The following ARHGEF37 variants were observed in gnomAD, a reference collection of about 807,000 sequenced individuals.
ARHGEF37 encodes the protein Rho guanine nucleotide exchange factor 37.
A neutral mutation model predicts 71.1 loss-of-function variants in ARHGEF37; 55 were observed. That is an observed-to-expected ratio of 0.77 (90% CI 0.62 to 0.97). The LOEUF is 0.97. ARHGEF37 is among the 50% of genes least tolerant of loss of function. The pLI, the probability that ARHGEF37 is intolerant of heterozygous loss-of-function variation, is 0.00. For missense variants in ARHGEF37, 765 were observed against 836.8 expected, an observed-to-expected ratio of 0.91 and a Z score of 1.06; for synonymous variants, 327 against 350.6, an observed-to-expected ratio of 0.93 and a Z score of 0.75.
At chr5:149,559,502 T>G (rs1049754127) in intron 1 of ARHGEF37, among the ~76,000 whole-genome samples, 1 of 152,228 alleles carries the variant, frequency 6.6e-6, no homozygotes, top group Non-Finnish European at 1.5e-5. Context: ...CAATCCTCGT[T>G]GAGTATTCTG....
chr5:149,624,150 C>A lies in ARHGEF37; in HGVS notation c.1464+10C>A. 4 of 1,603,330 alleles carry A rather than the reference C, an allele frequency of 2.5e-6. No homozygotes were observed. Among genetic ancestry groups the A allele is most frequent in the Non-Finnish European group, 2.6e-6 (3 of 1,171,608 alleles). On this transcript the variant is annotated intron_variant, in intron 10 of 12. Transcript: ENST00000333677. ...ACCTCCCACCACACAAGTAAGCATC[C>A]TTCCTCCACCCCAAAGACTGTCCAG... is the stretch of plus-strand genomic sequence containing the variant.
chr5:149,622,712 C>T (rs1015225414), intron 9 of ARHGEF37, among the ~76,000 whole-genome samples: 3 of 152,276 alleles, frequency 2.0e-5, no homozygotes, highest in Non-Finnish European at 2.9e-5. Flanking sequence ...AAGGAGCTAC[C>T]GGCTGAAAGC....
chr5:149,555,619 A>C (rs543799043), intron 1 of ARHGEF37, among the ~76,000 whole-genome samples: 18 of 152,150 alleles, frequency 1.2e-4, no homozygotes, highest in Non-Finnish European at 2.6e-4. Flanking sequence ...CCAGCCTGCA[A>C]TTTAGAGTAC....
rs766951372 is a variant in ARHGEF37 at position 149,627,231 on chromosome 5, C to T, written c.1620C>T (p.Asp540=). ...TCGTGGCCATCCTTCAAAACAAGGA[C>T]ACCAAAGGCAACAGCGGCCGCTGGC... ...GQIVAILQNK[D]TKGNSGRWLV... is the part of the protein sequence containing the mutation. Residue 540 remains aspartate, a synonymous_variant, in exon 11 of 13, where the codon GAC becomes GAT. Coordinates refer to ENST00000333677, the MANE Select transcript of ARHGEF37 (RefSeq NM_001001669.3). 1.3e-5 allele frequency: 21 copies of T among 1,613,872 alleles called. No homozygotes were observed. The highest frequency in any genetic ancestry group is 1.5e-5 in the Non-Finnish European group (18 of 1,180,032).
chr5:149,568,688 A>G (rs1301741427), intron 1 of ARHGEF37, among the ~76,000 whole-genome samples: 1 of 151,864 alleles, frequency 6.6e-6, no homozygotes, highest in Non-Finnish European at 1.5e-5. Flanking sequence ...GCATGTGCCT[A>G]TAATCTCAGT....
chr5:149,586,579 A>G (rs2113275351), intron 1 of ARHGEF37, among the ~76,000 whole-genome samples: 1 of 152,310 alleles, frequency 6.6e-6, no homozygotes, highest in East Asian at 1.9e-4. Flanking sequence ...TATGTTTTTG[A>G]AAGACCACTC....
In ARHGEF37 at chr5:149,624,036, C is replaced by T. The variant is rs1265497589; in HGVS notation, c.1360C>T (p.Pro454Ser). 7 of 1,605,382 alleles carry T rather than the reference C, an allele frequency of 4.4e-6. No individual in the cohort carries two copies. Among genetic ancestry groups the T allele is most frequent in the African/African-American group, 2.7e-5 (2 of 74,840 alleles). Reference protein sequence around the residue: ...AQLPHHHVPEPAFRKLVEDAL... With the variant: ...AQLPHHHVPESAFRKLVEDAL... ...GCTGCCCCACCACCACGTCCCAGAG[C>T]CTGCCTTCAGGAAGCTGGTGGAGGA... The change falls in exon 10 of 13, where the codon CCT (proline) becomes TCT (serine). Residue 454 changes from proline to serine, a missense_variant. Transcript: ENST00000333677.
intron 10 of ARHGEF37, among the ~76,000 whole-genome samples, chr5:149,625,588 A>AT (rs755441389): frequency 2.0e-5 from 3 of 152,202 alleles, no homozygotes; most frequent in Non-Finnish European, 4.4e-5. Context: ...CTGACTCCTC[A>AT]TTGGCCCCAT....
chr5:149,591,362 C>T (rs1457699), intron 1 of ARHGEF37, among the ~76,000 whole-genome samples: 44,395 of 151,958 alleles, frequency 0.29, 6,950 homozygotes, highest in Admixed American at 0.44. Flanking sequence ...GGATTACAGG[C>T]GTGAGCCACC....
At chr5:149,624,902 T>TTTG (rs1205743909) in intron 10 of ARHGEF37, among the ~76,000 whole-genome samples, 2 of 149,246 alleles carry the variant, frequency 1.3e-5, no homozygotes, top group Non-Finnish European at 3.0e-5. Context: ...GCTTTTGGGT[T>TTTG]TTTTTTTTTT....
chr5:149,562,918 A>G (rs751221571), intron 1 of ARHGEF37, among the ~76,000 whole-genome samples: 4 of 152,152 alleles, frequency 2.6e-5, no homozygotes, highest in Non-Finnish European at 5.9e-5. Context: ...TTTGACTTAA[A>G]TCATCCCCCT....
At chr5:149,566,279 C>A (rs1475457192) in intron 1 of ARHGEF37, among the ~76,000 whole-genome samples, 2 of 151,862 alleles carry the variant, frequency 1.3e-5, no homozygotes, top group Non-Finnish European at 2.9e-5. Context: ...GGTGGATCAC[C>A]TGAGGTCAGG....
At chr5:149,570,785 A>G (rs1355163794) in intron 1 of ARHGEF37, among the ~76,000 whole-genome samples, 1 of 151,236 alleles carries the variant, frequency 6.6e-6, no homozygotes, top group Non-Finnish European at 1.5e-5. Context: ...CTGAGGCAGA[A>G]GAATCGCTTG....
At chr5:149,565,639 T>C (rs1178600866) in intron 1 of ARHGEF37, among the ~76,000 whole-genome samples, 1 of 152,136 alleles carries the variant, frequency 6.6e-6, no homozygotes, top group Non-Finnish European at 1.5e-5. Flanking sequence ...AATACCACTT[T>C]GGACCAGTCA....
At position 149,618,261 on chromosome 5, in the gene ARHGEF37, C is replaced by A; in HGVS notation, c.744C>A (p.Thr248=). 1.2e-6 allele frequency: 2 copies of A among 1,614,206 alleles called. No homozygotes were observed. The highest frequency in any genetic ancestry group is 1.7e-6 in the Non-Finnish European group (2 of 1,180,048). ...INTHTLSKKT[T]RLSQLLKQEA... ...CACACACCCTCTCCAAGAAGACCAC[C>A]CGGCTGAGCCAGCTGCTGAAGCAGG... Residue 248 remains threonine, a synonymous_variant, in exon 6 of 13, where the codon ACC becomes ACA. Coordinates refer to ENST00000333677, the MANE Select transcript of ARHGEF37 (RefSeq NM_001001669.3).
chr5:149,595,695 G>T (rs1273216835), intron 1 of ARHGEF37, among the ~76,000 whole-genome samples: 2 of 151,972 alleles, frequency 1.3e-5, no homozygotes, highest in Non-Finnish European at 2.9e-5. Flanking sequence ...GTTATCTGTG[G>T]CCTAGGTTAA....
chr5:149,620,561 G>A (rs1331223009), intron 8 of ARHGEF37, 97 bp downstream of exon 8: 15 of 922,362 alleles, frequency 1.6e-5, no homozygotes, highest in Admixed American at 2.8e-5. Flanking sequence ...CAGGCGTGGT[G>A]GCTCACGCCT....
intron 1 of ARHGEF37, among the ~76,000 whole-genome samples, chr5:149,586,531 G>T (rs7707073): frequency 3.9e-5 from 6 of 152,218 alleles, no homozygotes; most frequent in African/African-American, 1.4e-4. Flanking sequence ...CCGAAGTGCC[G>T]GGATTACAGG....
chr5:149,625,834 T>A (rs924849856), intron 10 of ARHGEF37, among the ~76,000 whole-genome samples: 2 of 151,248 alleles, frequency 1.3e-5, no homozygotes, highest in Non-Finnish European at 2.9e-5. Flanking sequence ...CCAGCACAAG[T>A]GAGGTGGTCT....
Sources: gnomAD v4.1 joint callset for allele counts (sites outside exome capture counted in the v4.1 genomes callset) on GRCh38, gnomAD v4.1.1 for gene constraint, MANE v1.5 for transcripts, NCBI Gene and HGNC (gene_info 2026-07-23, HGNC 2026-07-21) for gene names.